Variants in SLC26A7 observed in about 807,000 individuals in gnomAD.
SLC26A7 encodes the protein solute carrier family 26 member 7.
In SLC26A7, 59 loss-of-function variants were observed where a neutral mutation model predicts 82.5. That is an observed-to-expected ratio of 0.72 (90% CI 0.58 to 0.89). The LOEUF is 0.89. Ranked by LOEUF, SLC26A7 falls within the 40% of genes least tolerant of loss-of-function variation. The pLI is 0.00. For synonymous variants in SLC26A7, 271 were observed against 274.3 expected (o/e 0.99, Z 0.12); for missense variants, 820 against 793.0 (o/e 1.03, Z -0.41).
intron 2 of SLC26A7, among the ~76,000 whole-genome samples, chr8:91,266,214 T>C (rs1191094414): frequency 6.6e-6 from 1 of 152,054 alleles, no homozygotes; most frequent in African/African-American, 2.4e-5. Flanking sequence ...GCTTTGGCTA[T>C]TCAAGGTCTT....
At chr8:91,356,940 C>G (rs1813886957) in intron 11 of SLC26A7, among the ~76,000 whole-genome samples, 1 of 152,164 alleles carries the variant, frequency 6.6e-6, no homozygotes, top group Non-Finnish European at 1.5e-5. Flanking sequence ...GCCCGCAGTT[C>G]TTATTTAGAT....
intron 2 of SLC26A7, among the ~76,000 whole-genome samples, chr8:91,263,971 T>G (rs1316998775): frequency 6.6e-6 from 1 of 152,084 alleles, no homozygotes; most frequent in Admixed American, 6.6e-5. Flanking sequence ...ATTCCATTTT[T>G]TTTTAACAGT....
chr8:91,209,826 A>T (rs1360719653), intron 1 of SLC26A7, among the ~76,000 whole-genome samples: 1 of 152,158 alleles, frequency 6.6e-6, no homozygotes, highest in African/African-American at 2.4e-5. Context: ...GAGATATGAA[A>T]GGTTTTAAAC....
chr8:91,339,061 A>T (rs1384268461), intron 7 of SLC26A7, among the ~76,000 whole-genome samples: 1 of 152,170 alleles, frequency 6.6e-6, no homozygotes, highest in African/African-American at 2.4e-5. Context: ...GCTAATGCTG[A>T]TTATATGAAT....
chr8:91,285,209 C>T (rs998518047), intron 2 of SLC26A7, among the ~76,000 whole-genome samples: 7 of 152,268 alleles, frequency 4.6e-5, no homozygotes, highest in Non-Finnish European at 8.8e-5. Context: ...CCTTCATTTT[C>T]ACGTGGCATT....
At chr8:91,278,738 C>T (rs530452703) in intron 2 of SLC26A7, among the ~76,000 whole-genome samples, 111 of 152,048 alleles carry the variant, frequency 7.3e-4, no homozygotes, top group Non-Finnish European at 1.3e-3. Context: ...CATTACCTCA[C>T]ACTTTTTTTG....
intron 3 of SLC26A7, among the ~76,000 whole-genome samples, chr8:91,293,118 A>C (rs1236289141): frequency 6.6e-6 from 1 of 152,214 alleles, no homozygotes; most frequent in Non-Finnish European, 1.5e-5. Flanking sequence ...ACAAATAAGG[A>C]AGCTGAGAGA....
At chr8:91,293,089 G>A (rs1472118788) in intron 3 of SLC26A7, among the ~76,000 whole-genome samples, 1 of 152,074 alleles carries the variant, frequency 6.6e-6, no homozygotes, top group Non-Finnish European at 1.5e-5. Flanking sequence ...TTTTGTAATA[G>A]GTATTTTATC....
chr8:91,260,446 TGCCTAA>T (rs1256517614), intron 2 of SLC26A7, among the ~76,000 whole-genome samples: 1 of 152,120 alleles, frequency 6.6e-6, no homozygotes, highest in East Asian at 1.9e-4. Flanking sequence ...CCATATCAAT[TGCCTAA>T]GCCATACGTT....
chr8:91,279,367 C>G (rs1218203558), intron 2 of SLC26A7, among the ~76,000 whole-genome samples: 1 of 151,540 alleles, frequency 6.6e-6, no homozygotes, highest in Non-Finnish European at 1.5e-5. Flanking sequence ...TTTGGGGAAC[C>G]TCCATACTGT....
At chr8:91,391,598 C>T (rs1359593427) in intron 16 of SLC26A7, among the ~76,000 whole-genome samples, 3 of 152,128 alleles carry the variant, frequency 2.0e-5, no homozygotes, top group Non-Finnish European at 2.9e-5. Flanking sequence ...CACAGGAGGG[C>T]CTCTTGTATT....
At position 91,395,095 on chromosome 8, in the gene SLC26A7, T is replaced by C; in HGVS notation, c.1969T>C (p.Ter657ArgextTer15). The C allele has an allele frequency of 6.2e-7, 1 of 1,613,468 alleles. No individual in the cohort carries two copies. Among genetic ancestry groups the C allele is most frequent in the Non-Finnish European group, 8.5e-7 (1 of 1,179,420 alleles). The change falls in exon 19 of 19, where the codon TGA (stop) becomes CGA (arginine). Residue 657 changes from the stop codon to arginine (R), a stop_lost. Transcript: ENST00000276609. ...CAAACTCAGTGACCACAGTGAAGTC[T>C]GAGACCCTTTTGTCACAGTACAGCT... ...LSKLSDHSEV[*>R]
At chr8:91,328,562 A>C (rs1339622779) in intron 5 of SLC26A7, among the ~76,000 whole-genome samples, 1 of 152,080 alleles carries the variant, frequency 6.6e-6, no homozygotes, top group Non-Finnish European at 1.5e-5. Context: ...TCAAGGTAAA[A>C]TCTATGCCTA....
intron 9 of SLC26A7, among the ~76,000 whole-genome samples, chr8:91,348,915 A>G (rs928958209): frequency 6.6e-6 from 1 of 152,198 alleles, no homozygotes; most frequent in African/African-American, 2.4e-5. Flanking sequence ...AGAGAATTCT[A>G]TTTTATACAC....
At chr8:91,387,240 A>G (rs1814825332) in intron 15 of SLC26A7, among the ~76,000 whole-genome samples, 1 of 152,224 alleles carries the variant, frequency 6.6e-6, no homozygotes, top group South Asian at 2.1e-4. Context: ...AAGCCAGGGC[A>G]TATTATACCT....
chr8:91,215,251 C>T (rs969473838), intron 1 of SLC26A7, among the ~76,000 whole-genome samples: 1 of 152,118 alleles, frequency 6.6e-6, no homozygotes, highest in African/African-American at 2.4e-5. Context: ...TACTGAGATA[C>T]ATTTTCCTGA....
intron 9 of SLC26A7, among the ~76,000 whole-genome samples, chr8:91,345,343 C>T (rs1340142677): frequency 2.6e-5 from 4 of 152,118 alleles, no homozygotes; most frequent in South Asian, 2.1e-4. Context: ...AGTGGTTCAG[C>T]GTTGGGCTCC....
At chr8:91,260,241 A>G (rs1205877453) in intron 2 of SLC26A7, among the ~76,000 whole-genome samples, 2 of 152,112 alleles carry the variant, frequency 1.3e-5, no homozygotes, top group African/African-American at 4.8e-5. Context: ...AGGCAGCAGG[A>G]GAGAGAAGAG....
At chr8:91,303,283 T>G (rs371598728) in intron 4 of SLC26A7, among the ~76,000 whole-genome samples, 35 of 152,346 alleles carry the variant, frequency 2.3e-4, no homozygotes, top group African/African-American at 7.9e-4. Context: ...CTGTAGCTTT[T>G]ATTATTCCCT....
Sources: allele counts gnomAD v4.1 joint callset (sites outside exome capture counted in the v4.1 genomes callset), GRCh38; gene constraint gnomAD v4.1.1; transcripts MANE v1.5; gene names NCBI Gene and HGNC (gene_info 2026-07-23, HGNC 2026-07-21).